Variants in PMEL observed in about 807,000 individuals in gnomAD.
The protein encoded by PMEL is melanocyte protein PMEL.
Under a neutral mutation model 64.9 loss-of-function variants are expected in PMEL, and 53 were observed. That is an observed-to-expected ratio of 0.82 (90% CI 0.66 to 1.03). The LOEUF is 1.03. PMEL is among the 50% of genes least tolerant of loss of function. PMEL has a pLI of 0.00. For synonymous variants in PMEL, 299 were observed against 316.2 expected (o/e 0.95, Z 0.58); for missense variants, 716 against 814.9 (o/e 0.88, Z 1.48).
In PMEL at chr12:55,957,559, AC is replaced by A; in HGVS notation, c.743del (p.Ser248MetfsTer22). On this transcript the variant is annotated frameshift_variant, in exon 6 of 11. Transcript: ENST00000548747. LOFTEE classifies it high-confidence loss of function. ...AGAGGTCAGCTTCAGCCAGATAGCC[AC>A]TGGGGTCATGGAGCTGGAGGGCAAA... ...LTFALQLHDP[S>X]GYLAEADLSY... The A allele has an allele frequency of 6.2e-7, 1 of 1,613,912 alleles. No homozygotes were observed. Among genetic ancestry groups the A allele is most frequent in the Non-Finnish European group, 8.5e-7 (1 of 1,179,976 alleles).
Position 55,957,019 on chromosome 12 carries a change from A to G in PMEL, c.1284T>C (p.Ala428=). ...VTTTEWVETT[A]RELPIPEPEG... is the part of the protein sequence containing the mutation. ...CAGGCTCAGGGATAGGTAGCTCTCT[A>G]GCTGTGGTCTCCACCCACTCTGTAG... Residue 428 remains alanine, a synonymous_variant, in exon 6 of 11, where the codon GCT becomes GCC. Transcript: ENST00000548747. The G allele has an allele frequency of 6.2e-7, 1 of 1,614,192 alleles. No homozygotes were observed. The highest frequency in any genetic ancestry group is 8.5e-7 in the Non-Finnish European group (1 of 1,180,022).
At position 55,964,898 on chromosome 12, in the gene PMEL, T is replaced by C. The variant is rs973183061; in HGVS notation, c.76+1038A>G. On this transcript the variant is annotated intron_variant, in intron 1 of 10. Transcript: ENST00000548747. The stretch of plus-strand genomic sequence containing the variant: ...TCTCAAAGTGCTAGGATTACAGGCA[T>C]GAGTTACTGTGCCGGGCCTCATCCC... Among the ~76,000 whole-genome samples, 5 of 150,686 alleles carry C rather than the reference T, an allele frequency of 3.3e-5. No individual in the cohort carries two copies. In the South Asian group the frequency reaches 1.1e-3, roughly 32 times the overall value.
intron 1 of PMEL, among the ~76,000 whole-genome samples, chr12:55,962,464 A>C (rs1411120295): frequency 6.9e-6 from 1 of 144,636 alleles, no homozygotes; most frequent in Non-Finnish European, 1.5e-5. Flanking sequence ...AAAAAAAAAA[A>C]AAAAAAACAC....
At chr12:55,958,766 G>A in intron 3 of PMEL, 159 bp from the exon 4 acceptor site, 1 of 724,162 alleles carries the variant, frequency 1.4e-6, no homozygotes, top group Non-Finnish European at 2.2e-6. Flanking sequence ...TGGTAGTTGG[G>A]GGTTGAGGGT....
In PMEL at chr12:55,958,008, G is replaced by A. The variant is rs761089885; in HGVS notation, c.546C>T (p.His182=). ...GATGGTAGACAGTCACTTCCATGGT[G>A]TGTGTGCCCAGCATTGCCCTGCCTG... ...IGTGRAMLGT[H]TMEVTVYHRR... is the part of the protein sequence containing the mutation. The change falls in exon 5 of 11, where the codon CAC becomes CAT. Residue 182 remains histidine (H), a synonymous_variant. Transcript: ENST00000548747. 78 of 1,614,232 alleles carry A rather than the reference G, an allele frequency of 4.8e-5. No individual in the cohort carries two copies. The highest frequency in any genetic ancestry group is 6.4e-5 in the Non-Finnish European group (76 of 1,180,050).
chr12:55,963,049 CAG>C (rs1372113513), intron 1 of PMEL, among the ~76,000 whole-genome samples: 1 of 151,202 alleles, frequency 6.6e-6, no homozygotes, highest in Non-Finnish European at 1.5e-5. Context: ...TCCAGCTACT[CAG>C]GGGGCTGAGG....
intron 7 of PMEL, 89 bp from the exon 8 acceptor site, chr12:55,955,952 C>T (rs2136436725): frequency 1.6e-6 from 2 of 1,214,574 alleles, no homozygotes; most frequent in South Asian, 2.4e-5. Flanking sequence ...GCTGCTCCAC[C>T]AATCCCATCC....
intron 10 of PMEL, among the ~76,000 whole-genome samples, chr12:55,954,617 C>A (rs1194057611): frequency 1.3e-5 from 2 of 152,140 alleles, no homozygotes; most frequent in East Asian, 3.9e-4. Context: ...AAACTCAGTT[C>A]ACCCCAGGCC....
rs1001399238 is a variant in PMEL at position 55,958,626 on chromosome 12, G to C, written c.335-19C>G. Reference sequence around the variant, plus strand: ...TGGCTCCCTGAAAGATAAATACAGAGTCACTCTCAAACCCTGGCATTCTTT... The same window carrying C: ...TGGCTCCCTGAAAGATAAATACAGACTCACTCTCAAACCCTGGCATTCTTT... On this transcript the variant is annotated intron_variant, in intron 3 of 10. Transcript: ENST00000548747. 1 of 1,610,538 alleles carries C rather than the reference G, an allele frequency of 6.2e-7. No homozygotes were observed. The highest frequency in any genetic ancestry group is 8.5e-7 in the Non-Finnish European group (1 of 1,178,512).
In PMEL at chr12:55,957,384, G is replaced by C; in HGVS notation, c.919C>G (p.Pro307Ala). 6.3e-7 allele frequency: 1 copy of C among 1,599,154 alleles called. No individual in the cohort carries two copies. The highest frequency in any genetic ancestry group is 1.1e-5 in the South Asian group (1 of 88,578). ...GGCCTGTGCCCATCTGTGGTGCCTG[G>C]AACTGGGGAGGAGCCACAGGAGGTG... is the stretch of plus-strand genomic sequence containing the variant. ...PLTSCGSSPV[P>A]GTTDGHRPTA... The change falls in exon 6 of 11, where the codon CCA becomes GCA. Residue 307 changes from proline (P) to alanine (A), a missense_variant. Transcript: ENST00000548747.
intron 1 of PMEL, among the ~76,000 whole-genome samples, chr12:55,964,928 CTTTTT>C (rs545848638): frequency 1.6e-5 from 2 of 123,776 alleles, no homozygotes; most frequent in Non-Finnish European, 1.7e-5. Flanking sequence ...CATCCCCTTT[CTTTTT>C]TTTTTTTTTT....
chr12:55,961,569 T>G (rs1419620614), intron 2 of PMEL, 53 bp downstream of exon 2: 10 of 1,596,800 alleles, frequency 6.3e-6, no homozygotes, highest in Non-Finnish European at 8.6e-6. Context: ...CAGCTTGCTT[T>G]TTTCCTCATC....
In PMEL at chr12:55,965,364, C is replaced by T. The variant is rs548501889; in HGVS notation, c.76+572G>A. On this transcript the variant is annotated intron_variant, in intron 1 of 10. Coordinates refer to ENST00000548747, the MANE Select transcript of PMEL (RefSeq NM_001384361.1). ...TTCTTTCTCCACTTCCAACTCTCCTCAGAGCAGCACGGGACATTCCAGACC... is the reference window on the plus strand; with the variant it reads ...TTCTTTCTCCACTTCCAACTCTCCTTAGAGCAGCACGGGACATTCCAGACC... Among the ~76,000 whole-genome samples, 289 of 152,178 alleles carry T rather than the reference C, an allele frequency of 1.9e-3. 1 individual carries two copies. Among genetic ancestry groups the T allele is most frequent in the African/African-American group, 6.8e-3 (281 of 41,486 alleles).
chr12:55,964,309 C>T (rs547084728), intron 1 of PMEL, among the ~76,000 whole-genome samples: 243 of 151,786 alleles, frequency 1.6e-3, no homozygotes, highest in Non-Finnish European at 2.6e-3. Flanking sequence ...TACAGGCATG[C>T]ACCACCACGC....
In PMEL at chr12:55,956,158, G is replaced by A; in HGVS notation, c.1416C>T (p.Pro472=). 1 of 1,614,088 alleles carries A rather than the reference G, an allele frequency of 6.2e-7. No individual in the cohort carries two copies. Among genetic ancestry groups the A allele is most frequent in the Non-Finnish European group, 8.5e-7 (1 of 1,179,962 alleles). Residue 472 remains proline (P), a synonymous_variant, in exon 7 of 11, where the codon CCC becomes CCT. Coordinates refer to ENST00000548747, the MANE Select transcript of PMEL (RefSeq NM_001384361.1). ...ATLRLVKRQV[P]LDCVLYRYGS... is the part of the protein sequence containing the mutation. ...CATATCGATACAGAACACAATCCAG[G>A]GGGACTTGTCTCTTCACCAGCCTTA...
chr12:55,962,027 G>A (rs1889120926), intron 1 of PMEL, among the ~76,000 whole-genome samples: 1 of 151,712 alleles, frequency 6.6e-6, no homozygotes, highest in Admixed American at 6.6e-5. Context: ...GTAGAGATGG[G>A]GTTTCTCCAT....
intron 6 of PMEL, chr12:55,956,574 G>A (rs958958228): frequency 6.3e-6 from 2 of 315,112 alleles, no homozygotes; most frequent in African/African-American, 4.2e-5. Flanking sequence ...GGGAATCCAG[G>A]GTTGGGAAAT....
intron 4 of PMEL, 156 bp downstream of exon 4, chr12:55,958,317 G>A (rs1888974889): frequency 1.2e-6 from 1 of 823,050 alleles, no homozygotes; most frequent in Non-Finnish European, 1.9e-6. Flanking sequence ...GAGTTGAAGG[G>A]GGCTAGGTGC....
At position 55,957,662 on chromosome 12, in the gene PMEL, G is replaced by A. The variant is rs960781831; in HGVS notation, c.641C>T (p.Pro214Leu). Residue 214 changes from proline (P) to leucine (L), a missense_variant, in exon 6 of 11, where the codon CCT becomes CTT. Physicochemically the swap from Pro to Leu is moderately conservative, Grantham distance 98 (BLOSUM62 -3). Transcript: ENST00000548747. The stretch of plus-strand genomic sequence containing the variant: ...CAACTGGGACACGCTCACGGAGAAA[G>A]GCACCTGGTCTGGGATTGGAGCCAG... ...SSAFTITDQV[P>L]FSVSVSQLRA... 1.2e-6 allele frequency: 2 copies of A among 1,610,850 alleles called. No homozygotes were observed. Among genetic ancestry groups the A allele is most frequent in the Non-Finnish European group, 1.7e-6 (2 of 1,178,362 alleles).
Sources: gnomAD v4.1 joint callset for allele counts (sites outside exome capture counted in the v4.1 genomes callset) on GRCh38, gnomAD v4.1.1 for gene constraint, MANE v1.5 for transcripts, NCBI Gene and HGNC (gene_info 2026-07-23, HGNC 2026-07-21) for gene names.